Variants in INTS9 observed in about 807,000 individuals in gnomAD.
INTS9 encodes integrator complex subunit 9.
A neutral mutation model predicts 79.7 loss-of-function variants in INTS9; 55 were observed. The observed-to-expected ratio is 0.69, with a 90% CI of 0.56 to 0.86. The LOEUF is 0.86. Ranked by LOEUF, INTS9 falls within the 40% of genes least tolerant of loss-of-function variation. The pLI is 0.00. For missense variants in INTS9, 721 were observed against 831.5 expected (o/e 0.87, Z 1.64); for synonymous variants, 319 against 325.2 (o/e 0.98, Z 0.20).
At chr8:28,775,345 T>C (rs1802803929) in intron 14 of INTS9, among the ~76,000 whole-genome samples, 1 of 152,334 alleles carries the variant, frequency 6.6e-6, no homozygotes, top group East Asian at 1.9e-4. Flanking sequence ...CCATGTTCTT[T>C]GTTCATTCAT....
intron 1 of INTS9, among the ~76,000 whole-genome samples, chr8:28,875,823 TTA>T (rs1205168002): frequency 6.6e-6 from 1 of 152,260 alleles, no homozygotes. Flanking sequence ...TTATTCATCT[TTA>T]TGTCTCAGAG....
intron 11 of INTS9, among the ~76,000 whole-genome samples, chr8:28,784,480 G>A (rs905213091): frequency 6.6e-6 from 1 of 152,162 alleles, no homozygotes; most frequent in Admixed American, 6.5e-5. Flanking sequence ...TTAGACTACA[G>A]GGACCAAAAA....
At chr8:28,875,722 G>A (rs190317271) in intron 1 of INTS9, among the ~76,000 whole-genome samples, 2 of 151,950 alleles carry the variant, frequency 1.3e-5, no homozygotes, top group Non-Finnish European at 2.9e-5. Flanking sequence ...CTGTATCAGG[G>A]GCTATCACCA....
intron 10 of INTS9, among the ~76,000 whole-genome samples, chr8:28,791,968 C>A (rs1803943857): frequency 6.6e-6 from 1 of 152,172 alleles, no homozygotes; most frequent in African/African-American, 2.4e-5. Context: ...AGTGATTCCA[C>A]AATTCTTCCA....
chr8:28,879,961 T>C (rs530183893), intron 1 of INTS9, among the ~76,000 whole-genome samples: 2 of 152,244 alleles, frequency 1.3e-5, no homozygotes, highest in East Asian at 3.9e-4. Flanking sequence ...TCGTGGTGAA[T>C]GAGGCACAAC....
At chr8:28,859,954 C>G (rs1808365262) in intron 1 of INTS9, among the ~76,000 whole-genome samples, 1 of 152,242 alleles carries the variant, frequency 6.6e-6, no homozygotes, top group South Asian at 2.1e-4. Context: ...AAGCTGGACA[C>G]TCAAACTGTG....
At chr8:28,852,294 C>CTT (rs3054476) in intron 2 of INTS9, among the ~76,000 whole-genome samples, 2 of 146,198 alleles carry the variant, frequency 1.4e-5, no homozygotes. Context: ...CTGATAAACT[C>CTT]TTTTTTTTTT....
intron 1 of INTS9, among the ~76,000 whole-genome samples, chr8:28,882,015 C>T (rs1364374679): frequency 2.1e-5 from 3 of 142,722 alleles, no homozygotes; most frequent in African/African-American, 2.6e-5. Flanking sequence ...AATAGAAAGG[C>T]GGGAAGGGTG....
At chr8:28,789,383 C>T (rs935654382) in intron 10 of INTS9, among the ~76,000 whole-genome samples, 1 of 152,168 alleles carries the variant, frequency 6.6e-6, no homozygotes, top group African/African-American at 2.4e-5. Flanking sequence ...AGGGACCCAC[C>T]CCCTTTCTAA....
intron 12 of INTS9, 150 bp from the exon 13 acceptor site, chr8:28,778,103 C>G: frequency 1.3e-6 from 1 of 777,992 alleles, no homozygotes; most frequent in East Asian, 3.3e-5. Context: ...TCAAAGGGGC[C>G]CCGTGGAAGG....
chr8:28,884,899 C>A (rs1015120244), intron 1 of INTS9, among the ~76,000 whole-genome samples: 1 of 152,166 alleles, frequency 6.6e-6, no homozygotes, highest in Non-Finnish European at 1.5e-5. Flanking sequence ...CCTAGGAAGC[C>A]AACAGGATTC....
At chr8:28,800,171 G>A (rs1055151756) in intron 8 of INTS9, among the ~76,000 whole-genome samples, 1 of 152,160 alleles carries the variant, frequency 6.6e-6, no homozygotes, top group Non-Finnish European at 1.5e-5. Flanking sequence ...AAAATGCCTG[G>A]CATACAGCAT....
intron 8 of INTS9, among the ~76,000 whole-genome samples, chr8:28,804,346 G>C (rs536416041): frequency 9.2e-5 from 14 of 152,322 alleles, no homozygotes; most frequent in Non-Finnish European, 1.8e-4. Flanking sequence ...CTTGCAATGA[G>C]GACAAAATGG....
chr8:28,865,032 G>A (rs1480543297), intron 1 of INTS9, among the ~76,000 whole-genome samples: 1 of 147,506 alleles, frequency 6.8e-6, no homozygotes, highest in Non-Finnish European at 1.5e-5. Flanking sequence ...AGTTTTCATA[G>A]TAAAAAAATC....
At position 28,814,284 on chromosome 8, in the gene INTS9, T is replaced by TCACACACACA. The variant is rs60850682; in HGVS notation, c.489-682_489-673dup. 3.3e-3 allele frequency among the ~76,000 whole-genome samples: 444 copies of TCACACACACA among 134,320 alleles called. 1 individual carries two copies. Among genetic ancestry groups the TCACACACACA allele is most frequent in the Non-Finnish European group, 4.4e-3 (282 of 63,726 alleles). 88.1% of individuals were successfully genotyped at this position (134,320 alleles called of 152,430 possible). A position where few individuals can be genotyped will look rare whatever the true frequency, so the allele number is the denominator to read the frequency against. ...CTGAAACAACACTGAACAGGGCTTC[T>TCACACACACA]CACACACACACACACACACACACAC... is the stretch of plus-strand genomic sequence containing the variant. On this transcript the variant is annotated intron_variant, in intron 6 of 16. Transcript: ENST00000521022.
chr8:28,789,092 A>C (rs73669447), intron 10 of INTS9, among the ~76,000 whole-genome samples: 4,236 of 152,356 alleles, frequency 0.028, 187 homozygotes, highest in African/African-American at 0.096. Context: ...TAAATATGGA[A>C]GAGCAAGATG....
intron 2 of INTS9, among the ~76,000 whole-genome samples, chr8:28,855,979 T>C (rs137951391): frequency 2.0e-5 from 3 of 152,330 alleles, no homozygotes; most frequent in Admixed American, 6.5e-5. Flanking sequence ...TGCCAATAAA[T>C]TGGTAAAGGC....
chr8:28,881,513 T>A (rs1350784775), intron 1 of INTS9, among the ~76,000 whole-genome samples: 4 of 82,858 alleles, frequency 4.8e-5, no homozygotes, highest in African/African-American at 1.9e-4. Context: ...AGCCGCCCCG[T>A]CCGGGAGGGA....
intron 8 of INTS9, among the ~76,000 whole-genome samples, chr8:28,811,361 T>C (rs2048111198): frequency 6.6e-6 from 1 of 152,086 alleles, no homozygotes; most frequent in Admixed American, 6.5e-5. Flanking sequence ...TGACCTAAAG[T>C]GATCCACTCG....
Sources: allele counts gnomAD v4.1 joint callset (sites outside exome capture counted in the v4.1 genomes callset), GRCh38; gene constraint gnomAD v4.1.1; transcripts MANE v1.5; gene names NCBI Gene and HGNC (gene_info 2026-07-23, HGNC 2026-07-21).